TAF15: variants seen among roughly 807,000 people sequenced by gnomAD.
TAF15 encodes TATA-binding protein-associated factor 2N.
Under a neutral mutation model 102.5 loss-of-function variants are expected in TAF15, and 37 were observed. That is an observed-to-expected ratio of 0.36 (90% confidence interval 0.28 to 0.47). TAF15 has a LOEUF of 0.47. Among genes scored for constraint, TAF15 ranks in the 20% least tolerant of loss-of-function variants. TAF15 has a pLI of 0.99. For synonymous variants in TAF15, 273 were observed against 259.2 expected, an observed-to-expected ratio of 1.05 and a Z score of -0.51; for missense variants, 652 against 760.7, an observed-to-expected ratio of 0.86 and a Z score of 1.68.
intron 9 of TAF15, among the ~76,000 whole-genome samples, chr17:35,835,882 A>G (rs1218765030): frequency 6.6e-6 from 1 of 152,230 alleles, no homozygotes; most frequent in African/African-American, 2.4e-5. Context: ...ATCATCCTTA[A>G]TTGGTATATA....
Position 35,844,574 on chromosome 17 carries a change from T to TGGCTATGGTGGGGACAGAGGCGGC in TAF15, c.1286_1287insGGACAGAGGCGGCGGCTATGGTGG (p.Gly424_Arg431dup). On this transcript the variant is annotated inframe_insertion, in exon 15 of 16. Coordinates refer to ENST00000605844, the MANE Select transcript of TAF15 (RefSeq NM_139215.3). ...GCTATGGTGGAGACAGAAGTGGGGG[T>TGGCTATGGTGGGGACAGAGGCGGC]GGCTATGGTGGAGACAGAAGCAGCG... 1 of 1,545,456 alleles carries TGGCTATGGTGGGGACAGAGGCGGC rather than the reference T, an allele frequency of 6.5e-7. No homozygotes were observed. The highest frequency in any genetic ancestry group is 8.7e-7 in the Non-Finnish European group (1 of 1,150,370).
chr17:35,809,647 C>T (rs2087100768), intron 1 of TAF15, 71 bp downstream of exon 1: 5 of 1,602,886 alleles, frequency 3.1e-6, no homozygotes, highest in South Asian at 2.2e-5. Context: ...TCTTCCCGCC[C>T]ACCGGAGGGC....
At chr17:35,837,196 G>T (rs1251579185) in intron 10 of TAF15, among the ~76,000 whole-genome samples, 1 of 152,222 alleles carries the variant, frequency 6.6e-6, no homozygotes, top group African/African-American at 2.4e-5. Flanking sequence ...ATTCCATCCA[G>T]GCTGGAGTAC....
chr17:35,827,790 G>A (rs957057532), intron 7 of TAF15, among the ~76,000 whole-genome samples: 5 of 152,144 alleles, frequency 3.3e-5, no homozygotes, highest in Non-Finnish European at 4.4e-5. Context: ...TACAGATGGT[G>A]TGATTGCCTG....
chr17:35,836,636 C>T (rs2087478204), intron 10 of TAF15, among the ~76,000 whole-genome samples: 1 of 152,120 alleles, frequency 6.6e-6, no homozygotes, highest in Non-Finnish European at 1.5e-5. Flanking sequence ...TGTAATTGCT[C>T]ATTGTTCACT....
chr17:35,821,774 T>A (rs1250592073), intron 5 of TAF15, among the ~76,000 whole-genome samples: 2 of 152,182 alleles, frequency 1.3e-5, no homozygotes, highest in East Asian at 3.8e-4. Flanking sequence ...TAGAGTTTTT[T>A]TCAGATAAAA....
rs2087501802 is a variant in TAF15, at chr17:35,838,409, TC to T, written c.784-14del. The T allele has an allele frequency of 1.2e-6, 2 of 1,613,918 alleles. No homozygotes were observed. Among genetic ancestry groups the T allele is most frequent in the African/African-American group, 2.7e-5 (2 of 74,924 alleles). ...TTTAAAAATGCTAACACCAAGTGTT[TC>T]TGTTTTTCCTCAGACAAATAAGAAG... On this transcript the variant is annotated splice_polypyrimidine_tract_variant and intron_variant, in intron 10 of 15. Coordinates refer to ENST00000605844, the MANE Select transcript of TAF15 (RefSeq NM_139215.3).
intron 1 of TAF15, chr17:35,816,863 T>C (rs112636117): frequency 2.2e-5 from 3 of 133,436 alleles, no homozygotes; most frequent in Non-Finnish European, 4.7e-5. Flanking sequence ...CATTCAGTCG[T>C]GCAGGCTGGA....
At position 35,836,124 on chromosome 17, in the gene TAF15, T is replaced by C. The variant is rs1020866655; in HGVS notation, c.674-8T>C. 3 of 1,593,262 alleles carry C rather than the reference T, an allele frequency of 1.9e-6. No individual in the cohort carries two copies. Among genetic ancestry groups the C allele is most frequent in the South Asian group, 1.1e-5 (1 of 90,612 alleles). On this transcript the variant is annotated splice_region_variant and splice_polypyrimidine_tract_variant and intron_variant, in intron 9 of 15. Transcript: ENST00000605844. ...ATGTAAAATTAACCATCACTTTTTTTCTCTTAGATTCAGAATCTGATAATT... is the reference window on the plus strand; with the variant it reads ...ATGTAAAATTAACCATCACTTTTTTCCTCTTAGATTCAGAATCTGATAATT...
intron 1 of TAF15, among the ~76,000 whole-genome samples, chr17:35,814,162 C>CTTG (rs1211640450): frequency 6.6e-6 from 1 of 151,660 alleles, no homozygotes; most frequent in Non-Finnish European, 1.5e-5. Flanking sequence ...AAACACCAAC[C>CTTG]AAAAGGTGAT....
At position 35,844,568 on chromosome 17, in the gene TAF15, T is replaced by C. The variant is rs758478767; in HGVS notation, c.1269T>C (p.Ser423=). Residue 423 remains serine, a synonymous_variant, in exon 15 of 16, where the codon AGT becomes AGC. Coordinates refer to ENST00000605844, the MANE Select transcript of TAF15 (RefSeq NM_139215.3). ...GDRGGYGGDR[S]GGGYGGDRSS... is the part of the protein sequence containing the mutation. ...GAGGCGGCTATGGTGGAGACAGAAG[T>C]GGGGGTGGCTATGGTGGAGACAGAA... 1.7e-5 allele frequency: 26 copies of C among 1,496,350 alleles called. No homozygotes were observed. The Admixed American group carries it at 3.3e-4, about 19-fold the overall frequency. The allele number at this position is 1,496,350 out of a possible 1,614,324, so 92.7% of individuals were successfully genotyped here.
intron 1 of TAF15, among the ~76,000 whole-genome samples, chr17:35,814,567 A>G (rs942338962): frequency 6.6e-6 from 1 of 152,112 alleles, no homozygotes; most frequent in East Asian, 1.9e-4. Context: ...TGTGTGCCTA[A>G]TAATATATAC....
Position 35,834,377 on chromosome 17 carries a change from C to T in TAF15, c.641-189C>T. The T allele has an allele frequency of 5.0e-6, 3 of 599,926 alleles. No homozygotes were observed. The South Asian group carries it at 6.7e-5, about 13-fold the overall frequency. 37.2% of individuals were successfully genotyped at this position (599,926 alleles called of 1,614,324 possible). ...TAGGACAAGTTAAAGGAAATGTTGA[C>T]ATTCATCTTGATTTCCTAAACTTTA... On this transcript the variant is annotated intron_variant, in intron 8 of 15. Coordinates refer to ENST00000605844, the MANE Select transcript of TAF15 (RefSeq NM_139215.3).
At chr17:35,817,019 C>G (rs1008826028) in intron 1 of TAF15, 3 of 151,944 alleles carry the variant, frequency 2.0e-5, no homozygotes, top group African/African-American at 4.8e-5. Context: ...GGGGTTTCGC[C>G]ATGTTGGCTG....
chr17:35,834,278 T>G, intron 8 of TAF15: 1 of 423,792 alleles, frequency 2.4e-6, no homozygotes, highest in Non-Finnish European at 4.1e-6. Context: ...ATTATTAGGG[T>G]TGTCCAATCA....
intron 10 of TAF15, among the ~76,000 whole-genome samples, chr17:35,837,929 C>A (rs1023986380): frequency 7.3e-5 from 11 of 151,676 alleles, no homozygotes; most frequent in African/African-American, 2.7e-4. Context: ...GTAATCAGCA[C>A]TTAATCACAG....
chr17:35,843,729 G>A (rs559841990), intron 12 of TAF15, among the ~76,000 whole-genome samples: 3 of 152,162 alleles, frequency 2.0e-5, no homozygotes, highest in African/African-American at 7.2e-5. Flanking sequence ...TGCTCAACTC[G>A]CAAGTATAAG....
intron 7 of TAF15, chr17:35,830,352 C>T (rs572469350): frequency 6.6e-5 from 10 of 152,234 alleles, no homozygotes; most frequent in African/African-American, 7.2e-5. Context: ...GTTGAGTATG[C>T]TTATATTGTG....
At position 35,846,964 on chromosome 17, in the gene TAF15, CT is replaced by C; in HGVS notation, c.*22del. 1.2e-6 allele frequency: 2 copies of C among 1,613,446 alleles called. No individual in the cohort carries two copies. Among genetic ancestry groups the C allele is most frequent in the South Asian group, 1.1e-5 (1 of 91,066 alleles). On this transcript the variant is annotated 3_prime_UTR_variant, in exon 16 of 16. Coordinates refer to ENST00000605844, the MANE Select transcript of TAF15 (RefSeq NM_139215.3). ...ATACTGATGACTGTTTTGAATGTTCCTTTGTCTCTGACATGATCCATAGTGA... is the reference window on the plus strand; with the variant it reads ...ATACTGATGACTGTTTTGAATGTTCCTTGTCTCTGACATGATCCATAGTGA...
Sources: allele counts gnomAD v4.1 joint callset (sites outside exome capture counted in the v4.1 genomes callset), GRCh38; gene constraint gnomAD v4.1.1; transcripts MANE v1.5; gene names NCBI Gene and HGNC (gene_info 2026-07-23, HGNC 2026-07-21).